EPS15L1: variants seen among roughly 807,000 people sequenced by gnomAD.
The protein encoded by EPS15L1 is epidermal growth factor receptor substrate 15-like 1.
A neutral mutation model predicts 117.1 loss-of-function variants in EPS15L1; 43 were observed. The observed-to-expected ratio is 0.37, with a 90% CI of 0.29 to 0.47. EPS15L1 has a LOEUF of 0.47. EPS15L1 is among the 20% of genes least tolerant of loss of function. The pLI is 0.99. For synonymous variants in EPS15L1, 459 were observed against 470.5 expected, an observed-to-expected ratio of 0.98 and a Z score of 0.32; for missense variants, 981 against 1,164.0, an observed-to-expected ratio of 0.84 and a Z score of 2.29.
At chr19:16,361,749 G>A in intron 23 of EPS15L1, 30 bp downstream of exon 23, 1 of 1,598,092 alleles carries the variant, frequency 6.3e-7, no homozygotes, top group Non-Finnish European at 8.5e-7. Flanking sequence ...AAGGGAGTGG[G>A]GTGGCCCGGA....
rs752749690 is a variant in EPS15L1 at position 16,440,848 on chromosome 19, A to G, written c.213+14T>C. The stretch of plus-strand genomic sequence containing the variant: ...CCCAGCCCCTCCATTTGCTCTGTGT[A>G]CATGTGTATATACCTGTTTGTCCAA... On this transcript the variant is annotated intron_variant, in intron 4 of 23. Transcript: ENST00000455140. 3 of 1,613,730 alleles carry G rather than the reference A, an allele frequency of 1.9e-6. No homozygotes were observed. Among genetic ancestry groups the G allele is most frequent in the Non-Finnish European group, 2.5e-6 (3 of 1,179,760 alleles).
intron 21 of EPS15L1, chr19:16,382,970 A>G (rs73509166): frequency 1.2e-3 from 190 of 152,216 alleles, no homozygotes; most frequent in African/African-American, 4.5e-3. Flanking sequence ...TGTTTTTTAA[A>G]AAAACACCTT....
At chr19:16,379,248 T>C (rs2092333582) in intron 21 of EPS15L1, among the ~76,000 whole-genome samples, 4 of 151,978 alleles carry the variant, frequency 2.6e-5, no homozygotes, top group Non-Finnish European at 5.9e-5. Flanking sequence ...GAGCTTGCAG[T>C]GAGCTGAGAT....
intron 18 of EPS15L1, 71 bp downstream of exon 18, chr19:16,393,880 C>T: frequency 6.9e-7 from 1 of 1,458,034 alleles, no homozygotes; most frequent in African/African-American, 1.4e-5. Flanking sequence ...GACACAAGTC[C>T]CACCACATGC....
intron 1 of EPS15L1, among the ~76,000 whole-genome samples, chr19:16,448,550 G>T (rs368232459): frequency 7.0e-5 from 10 of 143,202 alleles, no homozygotes; most frequent in Admixed American, 1.4e-4. Context: ...AAAAAAAAGG[G>T]GGGGGGAGAA....
At chr19:16,420,868 C>T (rs572209829) in intron 10 of EPS15L1, among the ~76,000 whole-genome samples, 54 of 152,362 alleles carry the variant, frequency 3.5e-4, no homozygotes, top group African/African-American at 1.1e-3. Flanking sequence ...CTCACCCTCC[C>T]GCCAGGAGCC....
intron 20 of EPS15L1, 121 bp downstream of exon 20, chr19:16,386,050 C>T: frequency 1.3e-6 from 1 of 764,424 alleles, no homozygotes; most frequent in Non-Finnish European, 2.2e-6. Context: ...ATCTGGGTGC[C>T]ACTGACTGAT....
At chr19:16,401,965 G>T in intron 16 of EPS15L1, 2 of 1,046,050 alleles carry the variant, frequency 1.9e-6, no homozygotes. Context: ...TAGAATGTGG[G>T]GTTTCCACAA....
Position 16,425,077 on chromosome 19 carries a change from C to T in EPS15L1, c.792+6G>A. ...GAGGGGGCTGTGCCCGCTGAGGGCT[C>T]CGTACCTGTGTTTGCTTGAGGCTGT... On this transcript the variant is annotated splice_donor_region_variant and intron_variant, in intron 9 of 23. Coordinates refer to ENST00000455140, the MANE Select transcript of EPS15L1 (RefSeq NM_001258374.3). The T allele has an allele frequency of 1.2e-6, 2 of 1,612,700 alleles. No individual in the cohort carries two copies. Among genetic ancestry groups the T allele is most frequent in the African/African-American group, 2.7e-5 (2 of 75,026 alleles).
intron 8 of EPS15L1, among the ~76,000 whole-genome samples, 160 bp from the exon 9 acceptor site, chr19:16,425,476 T>C (rs1209629879): frequency 6.6e-6 from 1 of 152,236 alleles, no homozygotes; most frequent in East Asian, 1.9e-4. Context: ...TCATGAGTTA[T>C]CTTTTATGTG....
intron 22 of EPS15L1, among the ~76,000 whole-genome samples, chr19:16,369,713 TG>T: frequency 9.6e-6 from 1 of 103,998 alleles, no homozygotes; most frequent in African/African-American, 4.3e-5. Context: ...GTGTGTAGGG[TG>T]GGGTATGTGA....
Position 16,428,772 on chromosome 19 carries a change from G to A in EPS15L1, c.499-11C>T, listed in dbSNP as rs376476786. 1 of 1,606,548 alleles carries A rather than the reference G, an allele frequency of 6.2e-7. No individual in the cohort carries two copies. Among genetic ancestry groups the A allele is most frequent in the African/African-American group, 1.3e-5 (1 of 74,942 alleles). ...ACTGAGGTCCCAGACCTGCAAGGGA[G>A]AGACCAGCATGGGTAACTGTGGGAG... is the stretch of plus-strand genomic sequence containing the variant. On this transcript the variant is annotated splice_polypyrimidine_tract_variant and intron_variant, in intron 7 of 23. Coordinates refer to ENST00000455140, the MANE Select transcript of EPS15L1 (RefSeq NM_001258374.3).
intron 22 of EPS15L1, among the ~76,000 whole-genome samples, chr19:16,366,572 A>C (rs1361470012): frequency 2.0e-5 from 3 of 152,160 alleles, no homozygotes; most frequent in Non-Finnish European, 2.9e-5. Context: ...GTTATTTAGA[A>C]ATCATGACTA....
At chr19:16,374,665 C>T (rs2092270236) in intron 22 of EPS15L1, among the ~76,000 whole-genome samples, 1 of 152,128 alleles carries the variant, frequency 6.6e-6, no homozygotes, top group Non-Finnish European at 1.5e-5. Flanking sequence ...GCGGGGGTGG[C>T]GGTTTCCATG....
At chr19:16,373,607 T>A (rs12459886) in intron 22 of EPS15L1, among the ~76,000 whole-genome samples, 1 of 152,148 alleles carries the variant, frequency 6.6e-6, no homozygotes, top group Non-Finnish European at 1.5e-5. Flanking sequence ...CCGACACTCA[T>A]CTGCTGACCG....
chr19:16,429,067 T>C (rs1450872466), intron 7 of EPS15L1, among the ~76,000 whole-genome samples: 1 of 148,182 alleles, frequency 6.7e-6, no homozygotes, highest in Non-Finnish European at 1.5e-5. Flanking sequence ...AGAGACATCT[T>C]AGAAAAGACA....
intron 1 of EPS15L1, among the ~76,000 whole-genome samples, chr19:16,447,655 G>A (rs1351689660): frequency 6.6e-6 from 1 of 151,980 alleles, no homozygotes; most frequent in Non-Finnish European, 1.5e-5. Context: ...AGTTACTCAG[G>A]AGGCTGAGGC....
At chr19:16,360,027 G>A (rs1037789325) in intron 23 of EPS15L1, among the ~76,000 whole-genome samples, 1 of 151,124 alleles carries the variant, frequency 6.6e-6, no homozygotes, top group Admixed American at 6.6e-5. Flanking sequence ...GGAACTACCA[G>A]AAATGCTAAG....
intron 23 of EPS15L1, chr19:16,357,195 G>A (rs1004176171): frequency 2.0e-5 from 3 of 152,272 alleles, no homozygotes; most frequent in African/African-American, 7.2e-5. Flanking sequence ...CAACCTGGGG[G>A]TGGGCCCGCT....
Sources: allele counts gnomAD v4.1 joint callset (sites outside exome capture counted in the v4.1 genomes callset), GRCh38; gene constraint gnomAD v4.1.1; transcripts MANE v1.5; gene names NCBI Gene and HGNC (gene_info 2026-07-23, HGNC 2026-07-21).